The following IRF2 variants were observed in gnomAD, a reference collection of about 807,000 sequenced individuals.
IRF2 encodes interferon regulatory factor 2.
Under a neutral mutation model 40.6 loss-of-function variants are expected in IRF2, and 15 were observed. That is an observed-to-expected ratio of 0.37 (90% CI 0.25 to 0.57). The LOEUF (loss-of-function observed/expected upper bound fraction) is 0.57. Ranked by LOEUF, IRF2 falls within the 20% of genes least tolerant of loss-of-function variation. The pLI, the probability that IRF2 is intolerant of heterozygous loss-of-function variation, is 0.77. For missense variants in IRF2, 317 were observed against 455.7 expected, an observed-to-expected ratio of 0.70 and a Z score of 2.77; for synonymous variants, 151 against 165.5, an observed-to-expected ratio of 0.91 and a Z score of 0.67.
At chr4:184,429,195 G>T (rs562687251) in intron 1 of IRF2, 125 bp from the exon 2 acceptor site, 3 of 647,042 alleles carry the variant, frequency 4.6e-6, no homozygotes, top group South Asian at 1.7e-5. Context: ...CCAGGGGGCT[G>T]GGGGGTCGGT....
chr4:184,443,907 A>C (rs1288278175), intron 1 of IRF2, among the ~76,000 whole-genome samples: 7 of 152,204 alleles, frequency 4.6e-5, no homozygotes, highest in African/African-American at 1.7e-4. Context: ...AATGGTGATC[A>C]ATCATGTCTG....
chr4:184,416,423 G>C (rs1240352841), intron 5 of IRF2, among the ~76,000 whole-genome samples: 1 of 150,634 alleles, frequency 6.6e-6, no homozygotes, highest in Non-Finnish European at 1.5e-5. Flanking sequence ...GTTTTAAGAG[G>C]TAATATAGGA....
chr4:184,439,539 G>T (rs529744256), intron 1 of IRF2, among the ~76,000 whole-genome samples: 2 of 152,170 alleles, frequency 1.3e-5, no homozygotes, highest in East Asian at 3.9e-4. Context: ...GAAAACAGGA[G>T]GCCAGTGGTG....
At chr4:184,437,383 C>T (rs1026143552) in intron 1 of IRF2, among the ~76,000 whole-genome samples, 3 of 152,048 alleles carry the variant, frequency 2.0e-5, no homozygotes, top group African/African-American at 7.2e-5. Context: ...TTTGTAGAAA[C>T]AGGGGTTTCA....
At chr4:184,473,381 C>T (rs1739592749) in intron 1 of IRF2, among the ~76,000 whole-genome samples, 2 of 147,576 alleles carry the variant, frequency 1.4e-5, no homozygotes, top group South Asian at 4.2e-4. Context: ...GCGAGGCCGG[C>T]CGGGGGCGCC....
At position 184,429,523 on chromosome 4, in the gene IRF2, G is replaced by A. The variant is rs115853663; in HGVS notation, c.-6-453C>T. On this transcript the variant is annotated intron_variant, in intron 1 of 8. Transcript: ENST00000393593. Reference sequence around the variant, plus strand: ...CAAGCCATTCCTTTTGAGAATCTGGGTTATACAAACGCTTTCAACCCCCAA... The same window carrying A: ...CAAGCCATTCCTTTTGAGAATCTGGATTATACAAACGCTTTCAACCCCCAA... 5.2e-3 allele frequency among the ~76,000 whole-genome samples: 790 copies of A among 152,290 alleles called. 6 individuals carry two copies. The highest frequency in any genetic ancestry group is 5.1e-3 in the Non-Finnish European group (345 of 68,028).
intron 1 of IRF2, among the ~76,000 whole-genome samples, chr4:184,458,380 A>G (rs1039892626): frequency 1.3e-5 from 2 of 152,110 alleles, no homozygotes; most frequent in African/African-American, 4.8e-5. Flanking sequence ...TGGATCTGAA[A>G]TTTTCAACCT....
At chr4:184,471,342 T>C (rs1739506899) in intron 1 of IRF2, among the ~76,000 whole-genome samples, 1 of 152,224 alleles carries the variant, frequency 6.6e-6, no homozygotes, top group African/African-American at 2.4e-5. Context: ...GAACACAACC[T>C]AGTGTAAAGA....
chr4:184,395,361 C>T (rs938088277), intron 7 of IRF2, among the ~76,000 whole-genome samples: 1 of 125,584 alleles, frequency 8.0e-6, no homozygotes, highest in Non-Finnish European at 1.6e-5. Context: ...TGCAGTGAGC[C>T]GAGATCGCAC....
chr4:184,467,487 T>C (rs1163726859), intron 1 of IRF2, among the ~76,000 whole-genome samples: 1 of 152,218 alleles, frequency 6.6e-6, no homozygotes, highest in African/African-American at 2.4e-5. Flanking sequence ...TCTTTTCCAA[T>C]AGATCTAGGG....
intron 6 of IRF2, among the ~76,000 whole-genome samples, chr4:184,400,534 G>C (rs1192675382): frequency 1.3e-5 from 2 of 152,160 alleles, no homozygotes; most frequent in East Asian, 3.8e-4. Context: ...TTGTGTTCAG[G>C]TTTTGTATGA....
chr4:184,453,587 CTG>C (rs1448036748), intron 1 of IRF2, among the ~76,000 whole-genome samples: 1 of 152,238 alleles, frequency 6.6e-6, no homozygotes, highest in Non-Finnish European at 1.5e-5. Context: ...TCCTTTAAGA[CTG>C]TGTCAGCCTG....
intron 7 of IRF2, among the ~76,000 whole-genome samples, chr4:184,394,078 G>A (rs1429474449): frequency 1.3e-5 from 2 of 152,300 alleles, no homozygotes; most frequent in Non-Finnish European, 2.9e-5. Context: ...GAATACAATG[G>A]AATAAAGAAG....
At chr4:184,390,297 C>T (rs1736210083) in intron 8 of IRF2, among the ~76,000 whole-genome samples, 1 of 152,216 alleles carries the variant, frequency 6.6e-6, no homozygotes, top group South Asian at 2.1e-4. Context: ...AGGGAACCCA[C>T]GCACACGTGG....
At chr4:184,430,571 T>C (rs77609337) in intron 1 of IRF2, among the ~76,000 whole-genome samples, 8 of 152,338 alleles carry the variant, frequency 5.3e-5, no homozygotes, top group Non-Finnish European at 1.2e-4. Flanking sequence ...AAACCAAACA[T>C]TGCTTTAGGG....
chr4:184,399,866 G>A (rs76879255), intron 6 of IRF2, among the ~76,000 whole-genome samples: 8,841 of 152,200 alleles, frequency 0.058, 382 homozygotes, highest in Admixed American at 0.13. Flanking sequence ...TTCTTATATT[G>A]TTTATTTTGA....
At chr4:184,439,017 C>T (rs959726965) in intron 1 of IRF2, among the ~76,000 whole-genome samples, 17 of 152,056 alleles carry the variant, frequency 1.1e-4, no homozygotes, top group East Asian at 1.9e-4. Context: ...GGGCTAGATA[C>T]GGAAAAAACC....
intron 5 of IRF2, among the ~76,000 whole-genome samples, chr4:184,417,093 T>C (rs1295230465): frequency 6.6e-6 from 1 of 151,896 alleles, no homozygotes; most frequent in Non-Finnish European, 1.5e-5. Flanking sequence ...AAGTCAAAAA[T>C]GGTTGAAGGG....
At chr4:184,412,106 T>C (rs537319593) in intron 5 of IRF2, among the ~76,000 whole-genome samples, 25 of 152,002 alleles carry the variant, frequency 1.6e-4, no homozygotes, top group African/African-American at 5.8e-4. Flanking sequence ...TTTGCTCTAA[T>C]TGTAGAATCC....
Sources: allele counts gnomAD v4.1 joint callset (sites outside exome capture counted in the v4.1 genomes callset), GRCh38; gene constraint gnomAD v4.1.1; transcripts MANE v1.5; gene names NCBI Gene and HGNC (gene_info 2026-07-23, HGNC 2026-07-21).